Variants in TGFA observed in about 807,000 individuals in gnomAD.
TGFA encodes the protein protransforming growth factor alpha.
Under a neutral mutation model 21.7 loss-of-function variants are expected in TGFA, and 12 were observed. That is an observed-to-expected ratio of 0.55 (90% CI 0.35 to 0.90). The LOEUF is 0.90. TGFA is among the 40% of genes least tolerant of loss of function. The probability of loss-of-function intolerance (pLI) is 0.01; values close to 1 mark genes in which losing one functional copy is unlikely to be tolerated. For synonymous variants in TGFA, 79 were observed against 88.1 expected, an observed-to-expected ratio of 0.90 and a Z score of 0.58; for missense variants, 178 against 210.8, an observed-to-expected ratio of 0.84 and a Z score of 0.96.
At chr2:70,459,506 G>A (rs966433425) in intron 3 of TGFA, among the ~76,000 whole-genome samples, 7 of 152,196 alleles carry the variant, frequency 4.6e-5, no homozygotes, top group Admixed American at 2.6e-4. Flanking sequence ...TAGTGATTTA[G>A]TGACAAACAC....
chr2:70,458,230 C>T (rs1553490914), intron 3 of TGFA, among the ~76,000 whole-genome samples: 1 of 152,176 alleles, frequency 6.6e-6, no homozygotes. Flanking sequence ...GGGCTAGACT[C>T]CAGGCTGAGA....
At chr2:70,500,421 T>C (rs1356541243) in intron 2 of TGFA, among the ~76,000 whole-genome samples, 1 of 152,004 alleles carries the variant, frequency 6.6e-6, no homozygotes, top group Non-Finnish European at 1.5e-5. Flanking sequence ...GTTCAGGGGC[T>C]ACATTCACTC....
At chr2:70,504,084 A>G (rs1671824246) in intron 2 of TGFA, among the ~76,000 whole-genome samples, 1 of 152,216 alleles carries the variant, frequency 6.6e-6, no homozygotes, top group South Asian at 2.1e-4. Flanking sequence ...AACAAAGTCC[A>G]TCACAGGAAA....
intron 2 of TGFA, among the ~76,000 whole-genome samples, chr2:70,512,334 A>G (rs1381480363): frequency 2.0e-5 from 3 of 152,024 alleles, no homozygotes; most frequent in Admixed American, 6.5e-5. Flanking sequence ...TCAAACAGAG[A>G]GCAACAGAGA....
intron 1 of TGFA, among the ~76,000 whole-genome samples, chr2:70,525,962 T>C (rs1672620703): frequency 6.6e-6 from 1 of 152,138 alleles, no homozygotes; most frequent in African/African-American, 2.4e-5. Flanking sequence ...TGTTGAGAAA[T>C]TCTGGGCCCC....
At chr2:70,552,823 G>T (rs1229267630) in intron 1 of TGFA, among the ~76,000 whole-genome samples, 1 of 152,188 alleles carries the variant, frequency 6.6e-6, no homozygotes, top group Non-Finnish European at 1.5e-5. Flanking sequence ...TCACTTCACG[G>T]AAGACTAGCA....
At position 70,450,829 on chromosome 2, in the gene TGFA, C is replaced by G. The variant is rs1553489491; in HGVS notation, c.*30G>C. On this transcript the variant is annotated 3_prime_UTR_variant, in exon 6 of 6. Coordinates refer to ENST00000295400, the MANE Select transcript of TGFA (RefSeq NM_003236.4). Reference sequence around the variant, plus strand: ...CCTTTCTTTATTGATCTGCCACAGTCCACCTGGCCAAACTCCTCCTCTGGG... The same window carrying G: ...CCTTTCTTTATTGATCTGCCACAGTGCACCTGGCCAAACTCCTCCTCTGGG... 6.2e-7 allele frequency: 1 copy of G among 1,608,324 alleles called. No homozygotes were observed. Among genetic ancestry groups the G allele is most frequent in the South Asian group, 1.1e-5 (1 of 89,712 alleles).
At chr2:70,540,787 A>T (rs1673111690) in intron 1 of TGFA, among the ~76,000 whole-genome samples, 1 of 152,200 alleles carries the variant, frequency 6.6e-6, no homozygotes, top group African/African-American at 2.4e-5. Flanking sequence ...GTGTATTTTT[A>T]AAAACTGCTT....
At chr2:70,472,041 C>T (rs1202136221) in intron 2 of TGFA, among the ~76,000 whole-genome samples, 1 of 152,104 alleles carries the variant, frequency 6.6e-6, no homozygotes, top group African/African-American at 2.4e-5. Context: ...CCTTCACTCT[C>T]CCTTTCCCAC....
intron 1 of TGFA, among the ~76,000 whole-genome samples, chr2:70,528,386 G>A (rs76162418): frequency 0.012 from 1,785 of 152,128 alleles, 29 homozygotes; most frequent in African/African-American, 0.041. Flanking sequence ...GGGCTGCCCT[G>A]TACCCCAAGC....
intron 1 of TGFA, among the ~76,000 whole-genome samples, chr2:70,552,364 C>CA (rs1371160864): frequency 1.3e-5 from 2 of 152,172 alleles, no homozygotes; most frequent in Admixed American, 1.3e-4. Flanking sequence ...CTATTATTTG[C>CA]AAAAACATTA....
At chr2:70,551,458 T>G (rs79704315) in intron 1 of TGFA, among the ~76,000 whole-genome samples, 14,598 of 152,286 alleles carry the variant, frequency 0.096, 834 homozygotes, top group Middle Eastern at 0.17. Context: ...AGCCAGTTCC[T>G]TCTCAGACTA....
chr2:70,458,878 T>A (rs1360791053), intron 3 of TGFA, among the ~76,000 whole-genome samples: 3 of 152,166 alleles, frequency 2.0e-5, no homozygotes, highest in Non-Finnish European at 4.4e-5. Context: ...AGGGCTTAGC[T>A]CTACAGAAAC....
At chr2:70,550,582 A>T (rs2103960046) in intron 1 of TGFA, among the ~76,000 whole-genome samples, 1 of 152,296 alleles carries the variant, frequency 6.6e-6, no homozygotes, top group Admixed American at 6.5e-5. Flanking sequence ...GCCCTTTGGG[A>T]GGCTGAGGTG....
intron 5 of TGFA, chr2:70,451,601 A>G (rs1160450330): frequency 1.6e-6 from 1 of 606,308 alleles, no homozygotes. Context: ...TGACATTAAC[A>G]AGAAACTTAC....
chr2:70,547,913 C>A (rs1378454026), intron 1 of TGFA, among the ~76,000 whole-genome samples: 1 of 146,378 alleles, frequency 6.8e-6, no homozygotes. Flanking sequence ...AGAATAGATC[C>A]ATCAGGTTCT....
chr2:70,476,092 A>AAAAAAT (rs1670918741), intron 2 of TGFA, among the ~76,000 whole-genome samples: 1 of 149,792 alleles, frequency 6.7e-6, no homozygotes, highest in African/African-American at 2.5e-5. Flanking sequence ...AAAAAAAAAA[A>AAAAAAT]AAAAAAAAAA....
chr2:70,517,355 G>A (rs1015503871), intron 1 of TGFA, among the ~76,000 whole-genome samples: 9 of 152,262 alleles, frequency 5.9e-5, no homozygotes, highest in East Asian at 3.9e-4. Context: ...TGTGATGAGC[G>A]GCAAGGCCTC....
chr2:70,472,683 A>T (rs1414006966), intron 2 of TGFA, among the ~76,000 whole-genome samples: 16 of 151,670 alleles, frequency 1.1e-4, no homozygotes, highest in Non-Finnish European at 2.1e-4. Flanking sequence ...GAGCGCAATC[A>T]CCCCCTTTAA....
Sources: allele counts gnomAD v4.1 joint callset (sites outside exome capture counted in the v4.1 genomes callset), GRCh38; gene constraint gnomAD v4.1.1; transcripts MANE v1.5; gene names NCBI Gene and HGNC (gene_info 2026-07-23, HGNC 2026-07-21).